The following PIK3AP1 variants were observed in gnomAD, a reference collection of about 807,000 sequenced individuals.
PIK3AP1 encodes phosphoinositide 3-kinase adapter protein 1.
PIK3AP1 carries 21 observed loss-of-function variants against 88.1 expected under a neutral mutation model. The observed-to-expected ratio is 0.24, with a 90% CI of 0.17 to 0.34. The LOEUF (loss-of-function observed/expected upper bound fraction) is 0.34, where lower values mean the gene tolerates loss of function less well. PIK3AP1 is among the 10% of genes least tolerant of loss of function. The pLI is 1.00. For missense variants in PIK3AP1, 828 were observed against 1,035.7 expected, an observed-to-expected ratio of 0.80 and a Z score of 2.75; for synonymous variants, 398 against 400.0, an observed-to-expected ratio of 1.00 and a Z score of 0.06.
At chr10:96,631,029 A>T (rs144282811) in intron 8 of PIK3AP1, among the ~76,000 whole-genome samples, 4 of 152,210 alleles carry the variant, frequency 2.6e-5, no homozygotes, top group African/African-American at 7.2e-5. Context: ...TTTGAAACTC[A>T]TCATTAACCC....
intron 8 of PIK3AP1, among the ~76,000 whole-genome samples, chr10:96,629,930 A>AAAAAAAAAAAAAAGAAGAAG (rs776780994): frequency 7.3e-5 from 1 of 13,724 alleles, no homozygotes; most frequent in Non-Finnish European, 1.6e-4. Context: ...AAAAAAAAAA[A>AAAAAAAAAAAAAAGAAGAAG]AAGAAGAAGA....
chr10:96,651,699 T>G (rs746178611), intron 4 of PIK3AP1, 48 bp from the exon 5 acceptor site: 8 of 1,600,136 alleles, frequency 5.0e-6, no homozygotes, highest in Non-Finnish European at 6.0e-6. Flanking sequence ...AAAACAAGCA[T>G]CCAGGGAAAA....
intron 3 of PIK3AP1, among the ~76,000 whole-genome samples, chr10:96,655,527 C>T (rs1843603345): frequency 6.6e-6 from 1 of 152,110 alleles, no homozygotes; most frequent in African/African-American, 2.4e-5. Flanking sequence ...TAAATAAACA[C>T]TGTGCAGTCC....
intron 3 of PIK3AP1, among the ~76,000 whole-genome samples, 169 bp downstream of exon 3, chr10:96,656,626 AGCT>A (rs1170182019): frequency 6.6e-6 from 1 of 152,146 alleles, no homozygotes; most frequent in African/African-American, 2.4e-5. Flanking sequence ...TACTCAGGGG[AGCT>A]GGGTGTCTCC....
rs1485677664 is a variant in PIK3AP1 at position 96,628,884 on chromosome 10, ATATACATATATATATATATATATGTG to A, written c.1376-417_1376-392del. Reference sequence around the variant, plus strand: ...CACACACATATATACACATATATATATATACATATATATATATATATATGTGTATATATATATATATATATGGCAAG... The same window carrying A: ...CACACACATATATACACATATATATATATATATATATATATATATGGCAAG... On this transcript the variant is annotated intron_variant, in intron 8 of 16. Transcript: ENST00000339364. Among the ~76,000 whole-genome samples the A allele has an allele frequency of 3.8e-3, 109 of 28,486 alleles. 2 individuals carry two copies. Among genetic ancestry groups the A allele is most frequent in the African/African-American group, 0.013 (98 of 7,376 alleles). The allele number at this position is 28,486 out of a possible 152,430, so 18.7% of individuals were successfully genotyped here.
At position 96,626,610 on chromosome 10, in the gene PIK3AP1, T is replaced by C. The variant is rs1843156603; in HGVS notation, c.1669+98A>G. The C allele has an allele frequency of 8.6e-6, 11 of 1,282,800 alleles. No individual in the cohort carries two copies. In the South Asian group the frequency reaches 1.3e-4, roughly 15 times the overall value. The allele number at this position is 1,282,800 out of a possible 1,614,324, so 79.5% of individuals were successfully genotyped here. A position where few individuals can be genotyped will look rare whatever the true frequency, so the allele number is the denominator to read the frequency against. On this transcript the variant is annotated intron_variant, in intron 10 of 16. Transcript: ENST00000339364. ...TGGTTGAAGACCATTTAGAAGGGGATAGTCTCTGAGCAATGGTTCAAAAAG... is the reference window on the plus strand; with the variant it reads ...TGGTTGAAGACCATTTAGAAGGGGACAGTCTCTGAGCAATGGTTCAAAAAG...
chr10:96,710,210 T>C (rs547002632), intron 1 of PIK3AP1, among the ~76,000 whole-genome samples: 52 of 140,598 alleles, frequency 3.7e-4, no homozygotes, highest in Admixed American at 1.1e-3. Flanking sequence ...ACCACGCTGT[T>C]TTATTATTTA....
At chr10:96,620,187 G>A (rs1466613236) in intron 12 of PIK3AP1, among the ~76,000 whole-genome samples, 165 bp downstream of exon 12, 1 of 152,116 alleles carries the variant, frequency 6.6e-6, no homozygotes, top group African/African-American at 2.4e-5. Context: ...TACAGACCGA[G>A]GTGACACTCA....
intron 2 of PIK3AP1, among the ~76,000 whole-genome samples, chr10:96,675,286 G>A (rs879730454): frequency 1.3e-5 from 2 of 152,160 alleles, no homozygotes; most frequent in South Asian, 2.1e-4. Context: ...ATGAATAAGA[G>A]GGGGAAGGAA....
At chr10:96,690,358 G>T (rs542352456) in intron 2 of PIK3AP1, among the ~76,000 whole-genome samples, 22 of 152,254 alleles carry the variant, frequency 1.4e-4, no homozygotes, top group African/African-American at 5.3e-4. Context: ...GACCTCCTGG[G>T]CTCAAGTGAT....
intron 2 of PIK3AP1, among the ~76,000 whole-genome samples, chr10:96,680,208 T>C (rs1843980708): frequency 6.6e-6 from 1 of 152,192 alleles, no homozygotes; most frequent in South Asian, 2.1e-4. Context: ...CCATTCTTGG[T>C]AGAACATACT....
At chr10:96,642,524 AAAAAG>A (rs749794552) in intron 8 of PIK3AP1, among the ~76,000 whole-genome samples, 21 of 152,132 alleles carry the variant, frequency 1.4e-4, no homozygotes, top group Non-Finnish European at 2.4e-4. Context: ...AAAAGAAAAG[AAAAAG>A]AAAAGAAAGA....
At chr10:96,711,797 C>T (rs1476672938) in intron 1 of PIK3AP1, among the ~76,000 whole-genome samples, 1 of 129,382 alleles carries the variant, frequency 7.7e-6, no homozygotes. Context: ...GTCGCCCAGG[C>T]TGGAGCGCAG....
At chr10:96,600,682 G>T (rs1038299638) in intron 16 of PIK3AP1, among the ~76,000 whole-genome samples, 4 of 152,216 alleles carry the variant, frequency 2.6e-5, no homozygotes, top group Admixed American at 6.5e-5. Flanking sequence ...AACACCAGAA[G>T]AAAGACCTCC....
At position 96,720,331 on chromosome 10, in the gene PIK3AP1, G is replaced by A. The variant is rs1285402680; in HGVS notation, c.13+51C>T. ...GGGAGCGCGCCTCAAGGGATGCGGG[G>A]TACGAGAGAGGGGCCGGGAGCCCGG... On this transcript the variant is annotated intron_variant, in intron 1 of 16. Transcript: ENST00000339364. The surrounding 1 kb of genome is among the most constrained non-coding windows in gnomAD (Gnocchi z 4.6). 1 of 1,242,470 alleles carries A rather than the reference G, an allele frequency of 8.0e-7. No homozygotes were observed. The highest frequency in any genetic ancestry group is 4.1e-5 in the South Asian group (1 of 24,336). The allele number at this position is 1,242,470 out of a possible 1,614,324, so 77.0% of individuals were successfully genotyped here. A position where few individuals can be genotyped will look rare whatever the true frequency, so the allele number is the denominator to read the frequency against.
intron 9 of PIK3AP1, among the ~76,000 whole-genome samples, chr10:96,627,450 AAAG>A (rs1358499032): frequency 3.3e-5 from 5 of 152,228 alleles, no homozygotes; most frequent in African/African-American, 1.2e-4. Flanking sequence ...TTGTGACATG[AAAG>A]CAGCCATATA....
chr10:96,667,846 T>C (rs910982084), intron 2 of PIK3AP1, among the ~76,000 whole-genome samples: 3 of 152,230 alleles, frequency 2.0e-5, no homozygotes, highest in Admixed American at 6.5e-5. Flanking sequence ...CTCTTTACCA[T>C]GCATTTCTCC....
At chr10:96,636,254 TAAAA>T (rs199591235) in intron 8 of PIK3AP1, among the ~76,000 whole-genome samples, 1 of 151,622 alleles carries the variant, frequency 6.6e-6, no homozygotes, top group Non-Finnish European at 1.5e-5. Flanking sequence ...ATACAAAAAT[TAAAA>T]AAAATTATAA....
At chr10:96,686,173 T>G (rs1262831460) in intron 2 of PIK3AP1, among the ~76,000 whole-genome samples, 1 of 152,236 alleles carries the variant, frequency 6.6e-6, no homozygotes, top group Non-Finnish European at 1.5e-5. Flanking sequence ...AGATAATGAC[T>G]ATCACCCTAA....
Sources: allele counts gnomAD v4.1 joint callset (sites outside exome capture counted in the v4.1 genomes callset), GRCh38; gene constraint gnomAD v4.1.1; non-coding constraint Gnocchi (gnomAD v3.1); transcripts MANE v1.5; gene names NCBI Gene and HGNC (gene_info 2026-07-23, HGNC 2026-07-21).